The following NTM variants were observed in gnomAD, a reference collection of about 807,000 sequenced individuals.
NTM encodes the protein neurotrimin.
In NTM, 13 loss-of-function variants were observed where a neutral mutation model predicts 42.1. The observed-to-expected ratio is 0.31, with a 90% CI of 0.20 to 0.49. The LOEUF is 0.49. NTM is among the 20% of genes least tolerant of loss of function. The pLI, the probability that NTM is intolerant of heterozygous loss-of-function variation, is 0.99. For synonymous variants in NTM, 187 were observed against 179.2 expected (o/e 1.04, Z -0.35); for missense variants, 373 against 452.8 (o/e 0.82, Z 1.60).
intron 2 of NTM, among the ~76,000 whole-genome samples, chr11:131,942,945 CA>C (rs5795748): frequency 0.026 from 3,648 of 138,750 alleles, 105 homozygotes; most frequent in African/African-American, 0.075. Context: ...GACCCTGTCT[CA>C]AAAAAAAAAA....
intron 2 of NTM, among the ~76,000 whole-genome samples, chr11:132,104,617 C>A (rs11222924): frequency 0.7 from 103,904 of 147,744 alleles, 37,177 homozygotes; most frequent in African/African-American, 0.77. Context: ...TAGTAATAAT[C>A]ATAATAATAA....
chr11:132,284,229 A>C (rs2094131069), intron 4 of NTM: 1 of 152,272 alleles, frequency 6.6e-6, no homozygotes, highest in Non-Finnish European at 1.5e-5. Flanking sequence ...CTGAGGTAAC[A>C]AAGTACCACA....
At chr11:132,161,175 C>T (rs998334729) in intron 3 of NTM, among the ~76,000 whole-genome samples, 8 of 152,146 alleles carry the variant, frequency 5.3e-5, no homozygotes, top group African/African-American at 1.4e-4. Context: ...CTCCTGGTTT[C>T]ATACTATTTG....
intron 1 of NTM, among the ~76,000 whole-genome samples, chr11:131,531,936 A>G (rs1227426056): frequency 6.6e-6 from 1 of 152,212 alleles, no homozygotes; most frequent in Admixed American, 6.5e-5. Flanking sequence ...TTTCAAGTGC[A>G]GGGATTCCTC....
At chr11:132,075,488 CTAAGGTTAG>C (rs1215497557) in intron 2 of NTM, among the ~76,000 whole-genome samples, 1 of 139,652 alleles carries the variant, frequency 7.2e-6, no homozygotes, top group Non-Finnish European at 1.6e-5. Context: ...TTTTGCATTT[CTAAGGTTAG>C]CAAACATTTT....
Position 131,426,376 on chromosome 11 carries a change from A to C in NTM, c.82+55488A>C, listed in dbSNP as rs540399903. ...CATGGGAAGCCAGTGCATCCCCACA[A>C]GGGCACGACCCTGAGCTCCTCCACA... On this transcript the variant is annotated intron_variant, in intron 1 of 8. Coordinates refer to ENST00000683400, the MANE Select transcript of NTM (RefSeq NM_001352005.2). Among the ~76,000 whole-genome samples the C allele has an allele frequency of 3.9e-5, 6 of 152,228 alleles. No homozygotes were observed. In the East Asian group the frequency reaches 9.7e-4, roughly 25 times the overall value.
chr11:131,430,256 ATAGG>A (rs997343041), intron 1 of NTM, among the ~76,000 whole-genome samples: 1 of 152,234 alleles, frequency 6.6e-6, no homozygotes, highest in African/African-American at 2.4e-5. Context: ...GTGTGAAGGC[ATAGG>A]TAGTTCTTTG....
intron 1 of NTM, among the ~76,000 whole-genome samples, chr11:131,698,164 G>T (rs914615844): frequency 6.6e-6 from 1 of 152,038 alleles, no homozygotes; most frequent in Non-Finnish European, 1.5e-5. Flanking sequence ...GCTCTCTAAG[G>T]TTCCAACCTT....
At chr11:131,938,396 C>T (rs1412700808) in intron 2 of NTM, among the ~76,000 whole-genome samples, 1 of 152,140 alleles carries the variant, frequency 6.6e-6, no homozygotes, top group East Asian at 1.9e-4. Context: ...TGGCTGAAAC[C>T]GTCTTGGCAA....
rs147136462 is a variant in NTM at position 131,672,616 on chromosome 11, A to G, written c.83-238948A>G. Among the ~76,000 whole-genome samples the G allele has an allele frequency of 3.1e-3, 472 of 152,238 alleles. 3 individuals carry two copies. The highest frequency in any genetic ancestry group is 8.9e-3 in the African/African-American group (368 of 41,550). On this transcript the variant is annotated intron_variant, in intron 1 of 8. Coordinates refer to ENST00000683400, the MANE Select transcript of NTM (RefSeq NM_001352005.2). The stretch of plus-strand genomic sequence containing the variant: ...GGTGCTGTAGGCTGGCATTAATTGT[A>G]TGACAGAATGTTTATTCATATATAT...
chr11:131,937,633 T>C (rs940477245), intron 2 of NTM, among the ~76,000 whole-genome samples: 3 of 152,232 alleles, frequency 2.0e-5, no homozygotes, highest in African/African-American at 7.2e-5. Flanking sequence ...CCTCTTCCCA[T>C]TTCTCTAGTT....
chr11:132,307,843 C>T lies in NTM; in HGVS notation c.661+20C>T, dbSNP rs375504893. 330 of 1,612,366 alleles carry T rather than the reference C, an allele frequency of 2.0e-4. 1 individual carries two copies. The highest frequency in any genetic ancestry group is 1.7e-3 in the Middle Eastern group (10 of 5,970). ...TGAACTGTAAGTGTTCTCACCACCACGCGCCCTGCACGTGCATCAGGCTGG... is the reference window on the plus strand; with the variant it reads ...TGAACTGTAAGTGTTCTCACCACCATGCGCCCTGCACGTGCATCAGGCTGG... On this transcript the variant is annotated intron_variant, in intron 5 of 8. Transcript: ENST00000683400.
At chr11:131,497,274 T>C (rs318971) in intron 1 of NTM, among the ~76,000 whole-genome samples, 106,456 of 151,684 alleles carry the variant, frequency 0.7, 37,543 homozygotes, top group East Asian at 0.82. Context: ...CTGCATCCTC[T>C]GCCTCCCAGG....
intron 1 of NTM, among the ~76,000 whole-genome samples, chr11:131,623,929 T>C (rs2062835916): frequency 6.6e-6 from 1 of 152,216 alleles, no homozygotes; most frequent in African/African-American, 2.4e-5. Context: ...CCCTGGCCGC[T>C]CCGACCTTGA....
intron 1 of NTM, chr11:131,795,204 C>T (rs1042991880): frequency 4.1e-5 from 14 of 343,024 alleles, no homozygotes; most frequent in East Asian, 3.3e-4. Context: ...GGCTTACTCA[C>T]GGCAGCCTAA....
intron 1 of NTM, among the ~76,000 whole-genome samples, chr11:131,428,559 C>T (rs1489268440): frequency 1.3e-5 from 2 of 152,202 alleles, no homozygotes; most frequent in South Asian, 2.1e-4. Context: ...TCCCACACGA[C>T]ATGCTTCCCC....
chr11:132,076,794 T>C (rs1437330894), intron 2 of NTM, among the ~76,000 whole-genome samples: 1 of 152,210 alleles, frequency 6.6e-6, no homozygotes, highest in Non-Finnish European at 1.5e-5. Flanking sequence ...GAAGATCAGA[T>C]AAGCTTTATG....
intron 1 of NTM, among the ~76,000 whole-genome samples, chr11:131,658,186 C>T (rs1044257820): frequency 5.3e-5 from 8 of 152,068 alleles, no homozygotes; most frequent in Non-Finnish European, 8.8e-5. Flanking sequence ...TTCTGTCCAC[C>T]GTACACAGAA....
intron 1 of NTM, among the ~76,000 whole-genome samples, chr11:131,450,636 C>T (rs747805959): frequency 9.9e-5 from 15 of 152,124 alleles, no homozygotes; most frequent in East Asian, 7.7e-4. Context: ...ATTAGACCAC[C>T]GGCTTCTCAA....
Sources: allele counts gnomAD v4.1 joint callset (sites outside exome capture counted in the v4.1 genomes callset), GRCh38; gene constraint gnomAD v4.1.1; transcripts MANE v1.5; gene names NCBI Gene and HGNC (gene_info 2026-07-23, HGNC 2026-07-21).